Variants in SAMD8 observed in about 807,000 individuals in gnomAD.
SAMD8 encodes sterile alpha motif domain containing 8.
In SAMD8, 20 loss-of-function variants were observed where a neutral mutation model predicts 42.0. That is an observed-to-expected ratio of 0.48 (90% CI 0.34 to 0.69). SAMD8 has a LOEUF of 0.69. Ranked by LOEUF, SAMD8 falls within the 30% of genes least tolerant of loss-of-function variation. The pLI is 0.01. For missense variants in SAMD8, 328 were observed against 511.6 expected (o/e 0.64, Z 3.46); for synonymous variants, 162 against 173.0 (o/e 0.94, Z 0.50).
chr10:75,126,499 CTTTTTTTTTTT>C (rs779589994), intron 1 of SAMD8, among the ~76,000 whole-genome samples: 1 of 115,556 alleles, frequency 8.7e-6, no homozygotes, highest in Non-Finnish European at 1.8e-5. Context: ...AGTGCTTTTG[CTTTTTTTTTTT>C]TTTTTTTTTG....
intron 1 of SAMD8, among the ~76,000 whole-genome samples, chr10:75,116,366 A>G (rs1848882044): frequency 6.6e-6 from 1 of 151,918 alleles, no homozygotes; most frequent in Admixed American, 6.6e-5. Flanking sequence ...TCAGCCTCCC[A>G]AAGTGCTAGG....
chr10:75,167,854 A>C (rs1356130609), intron 3 of SAMD8, among the ~76,000 whole-genome samples: 1 of 152,154 alleles, frequency 6.6e-6, no homozygotes, highest in African/African-American at 2.4e-5. Context: ...TGGCCTCCCA[A>C]AGGGCTGCAA....
intron 1 of SAMD8, among the ~76,000 whole-genome samples, chr10:75,129,350 C>T (rs951929030): frequency 1.3e-5 from 2 of 152,076 alleles, no homozygotes; most frequent in Non-Finnish European, 2.9e-5. Flanking sequence ...AAGTGATTCT[C>T]CTGCCTCAGT....
At chr10:75,137,443 G>A (rs1477939628) in intron 1 of SAMD8, among the ~76,000 whole-genome samples, 1 of 152,038 alleles carries the variant, frequency 6.6e-6, no homozygotes. Flanking sequence ...GGGAGGCTGA[G>A]GCAGGAGAAT....
At chr10:75,153,164 T>A (rs1027462172) in intron 2 of SAMD8, among the ~76,000 whole-genome samples, 1 of 151,942 alleles carries the variant, frequency 6.6e-6, no homozygotes, top group Non-Finnish European at 1.5e-5. Context: ...GTATATTTAG[T>A]AGAGACGAGG....
At chr10:75,156,651 A>T (rs1840416785) in intron 2 of SAMD8, among the ~76,000 whole-genome samples, 2 of 152,042 alleles carry the variant, frequency 1.3e-5, no homozygotes, top group African/African-American at 4.8e-5. Context: ...AAAAAAAAAA[A>T]CTTTAACCTA....
At chr10:75,162,648 T>TAA (rs1840584563) in intron 2 of SAMD8, among the ~76,000 whole-genome samples, 1 of 54,108 alleles carries the variant, frequency 1.8e-5, no homozygotes. Flanking sequence ...AAACTCCGTC[T>TAA]CAAAAAAAAA....
intron 2 of SAMD8, among the ~76,000 whole-genome samples, chr10:75,163,566 TG>T (rs1840608161): frequency 1.3e-5 from 2 of 152,154 alleles, no homozygotes; most frequent in African/African-American, 4.8e-5. Flanking sequence ...TCCAAGTAGC[TG>T]GGACTTACAG....
intron 1 of SAMD8, among the ~76,000 whole-genome samples, chr10:75,102,962 C>T (rs1848269648): frequency 6.6e-6 from 1 of 151,976 alleles, no homozygotes; most frequent in Non-Finnish European, 1.5e-5. Context: ...CCAAAAAAAA[C>T]ATTAGCTGGT....
chr10:75,111,638 C>G, upstream of SAMD8: 1 of 1,245,950 alleles, frequency 8.0e-7, no homozygotes, highest in African/African-American at 1.5e-5. Flanking sequence ...TTCACTCCGG[C>G]GAGGCGGGGA....
chr10:75,103,592 A>C (rs1022708973), intron 1 of SAMD8, among the ~76,000 whole-genome samples: 3 of 152,188 alleles, frequency 2.0e-5, no homozygotes, highest in Non-Finnish European at 4.4e-5. Flanking sequence ...GACCTTTGTC[A>C]TACACACATA....
intron 1 of SAMD8, among the ~76,000 whole-genome samples, chr10:75,132,159 GA>G (rs919003722): frequency 2.1e-4 from 32 of 152,182 alleles, no homozygotes; most frequent in African/African-American, 7.2e-4. Context: ...ACCTTTTCTA[GA>G]CAGGTACTCT....
At chr10:75,154,650 A>G (rs1310470032) in intron 2 of SAMD8, among the ~76,000 whole-genome samples, 1 of 146,180 alleles carries the variant, frequency 6.8e-6, no homozygotes, top group African/African-American at 2.6e-5. Context: ...TTAAAAGGTC[A>G]TTCTAGTTGT....
At position 75,181,527 on chromosome 10, in the gene SAMD8, A is replaced by G. The variant is rs1480357717; in HGVS notation, c.*4835A>G. ...AATATCTCTGAAATCTGTAAGCCAT[A>G]TTTCAGCTATTCTGGTTTTTATAAT... is the stretch of plus-strand genomic sequence containing the variant. On this transcript the variant is annotated 3_prime_UTR_variant, in exon 6 of 6. Transcript: ENST00000542569. The G allele has an allele frequency of 6.6e-6, 1 of 152,228 alleles. No homozygotes were observed. Among genetic ancestry groups the G allele is most frequent in the Non-Finnish European group, 1.5e-5 (1 of 68,046 alleles). The allele number at this position is 152,228 out of a possible 1,614,324, so 9.4% of individuals were successfully genotyped here.
upstream of SAMD8, chr10:75,108,033 G>C (rs1848623080): frequency 1.2e-6 from 2 of 1,613,662 alleles, no homozygotes; most frequent in African/African-American, 1.3e-5. Context: ...GTCAGCCGCA[G>C]AGGAGAAGTA....
chr10:75,160,909 A>G (rs1025729857), intron 2 of SAMD8, among the ~76,000 whole-genome samples: 17 of 152,168 alleles, frequency 1.1e-4, no homozygotes, highest in African/African-American at 3.4e-4. Flanking sequence ...CTCTACAAAA[A>G]ATACAAAAAT....
At chr10:75,102,387 G>T (rs570428773) in intron 1 of SAMD8, among the ~76,000 whole-genome samples, 11 of 152,214 alleles carry the variant, frequency 7.2e-5, no homozygotes, top group African/African-American at 2.6e-4. Flanking sequence ...AGCTTGCAGT[G>T]AGCCGAGATC....
upstream of SAMD8, chr10:75,109,315 G>A: frequency 1.4e-6 from 1 of 701,628 alleles, no homozygotes; most frequent in Non-Finnish European, 2.1e-6. Flanking sequence ...TCCTCCCCAA[G>A]CCTCCCCCCA....
At position 75,181,303 on chromosome 10, in the gene SAMD8, G is replaced by C. The variant is rs1298349935; in HGVS notation, c.*4611G>C. 3.3e-5 allele frequency: 5 copies of C among 152,202 alleles called. No individual in the cohort carries two copies. In the East Asian group the frequency reaches 9.6e-4, roughly 29 times the overall value. The allele number at this position is 152,202 out of a possible 1,614,324, so 9.4% of individuals were successfully genotyped here. A position where few individuals can be genotyped will look rare whatever the true frequency, so the allele number is the denominator to read the frequency against. On this transcript the variant is annotated 3_prime_UTR_variant, in exon 6 of 6. Coordinates refer to ENST00000542569, the MANE Select transcript of SAMD8 (RefSeq NM_001174156.2). ...GAATTGTTAGTAACATCAAAGGTCA[G>C]AATGCTTCAGGTGACTAATAAGAAT...
Sources: gnomAD v4.1 joint callset for allele counts (sites outside exome capture counted in the v4.1 genomes callset) on GRCh38, gnomAD v4.1.1 for gene constraint, MANE v1.5 for transcripts, NCBI Gene and HGNC (gene_info 2026-07-23, HGNC 2026-07-21) for gene names.